The following KIF26A variants were observed in gnomAD, a reference collection of about 807,000 sequenced individuals.
KIF26A encodes the protein kinesin-like protein KIF26A.
A neutral mutation model predicts 126.0 loss-of-function variants in KIF26A; 74 were observed. The observed-to-expected ratio is 0.59, with a 90% CI of 0.49 to 0.71. The LOEUF (loss-of-function observed/expected upper bound fraction) is 0.71, where lower values mean the gene tolerates loss of function less well. Ranked by LOEUF, KIF26A falls within the 30% of genes least tolerant of loss-of-function variation. KIF26A has a pLI of 0.00. For synonymous variants in KIF26A, 1,445 were observed against 1,232.7 expected, an observed-to-expected ratio of 1.17 and a Z score of -3.61; for missense variants, 2,984 against 2,763.3, an observed-to-expected ratio of 1.08 and a Z score of -1.79.
At chr14:104,179,587 T>A in intron 14 of KIF26A, 22 bp from the exon 15 acceptor site, 1 of 1,489,196 alleles carries the variant, frequency 6.7e-7, no homozygotes, top group Non-Finnish European at 9.0e-7. Context: ...CAGGTGCCCC[T>A]CCCCTCTCCT....
rs895251568 is a variant in KIF26A at position 104,176,788 on chromosome 14, G to A, written c.4000G>A (p.Gly1334Arg). 1.9e-6 allele frequency: 3 copies of A among 1,571,738 alleles called. No individual in the cohort carries two copies. Among genetic ancestry groups the A allele is most frequent in the African/African-American group, 2.7e-5 (2 of 73,984 alleles). ...DAPTEVVACS[G>R]SLKASPTSKK... The stretch of plus-strand genomic sequence containing the variant: ...TCCCACGGAGGTGGTGGCCTGCTCG[G>A]GGAGCCTGAAGGCCTCCCCCACCAG... The change falls in exon 12 of 15, where the codon GGG becomes AGG. Residue 1334 changes from glycine to arginine, a missense_variant. Coordinates refer to ENST00000423312, the MANE Select transcript of KIF26A (RefSeq NM_015656.2).
In KIF26A at chr14:104,148,276, G is replaced by T. The variant is rs1447878430; in HGVS notation, c.289-3739G>T. On this transcript the variant is annotated intron_variant, in intron 2 of 14. Transcript: ENST00000423312. This position sits in a 1 kb window ranked among gnomAD's most constrained non-coding sequence, Gnocchi z 4.3. ...CTCCCTAAAACCCAGGCGCGCAATG[G>T]GTGGGCTATGTTTGATGCTAAATTG... Among the ~76,000 whole-genome samples, 1 of 152,192 alleles carries T rather than the reference G, an allele frequency of 6.6e-6. No homozygotes were observed. Among genetic ancestry groups the T allele is most frequent in the Non-Finnish European group, 1.5e-5 (1 of 68,036 alleles).
chr14:104,174,358 T>C, intron 11 of KIF26A, 48 bp downstream of exon 11: 2 of 1,467,350 alleles, frequency 1.4e-6, no homozygotes, highest in Non-Finnish European at 1.8e-6. Flanking sequence ...TCTCGGCTCC[T>C]GTGTCCACTG....
intron 4 of KIF26A, among the ~76,000 whole-genome samples, chr14:104,161,627 C>T (rs1046313810): frequency 6.6e-6 from 1 of 152,234 alleles, no homozygotes; most frequent in African/African-American, 2.4e-5. Context: ...CCCGCTGTCT[C>T]GTTCATCCTC....
chr14:104,146,201 G>C lies in KIF26A; in HGVS notation c.289-5814G>C, dbSNP rs186265137. ...AACAGGGTGGTTGTTTTTGGGGGTGGGTGGCCCCTAGGGCTGTGCAGGGAG... is the reference window on the plus strand; with the variant it reads ...AACAGGGTGGTTGTTTTTGGGGGTGCGTGGCCCCTAGGGCTGTGCAGGGAG... On this transcript the variant is annotated intron_variant, in intron 2 of 14. Coordinates refer to ENST00000423312, the MANE Select transcript of KIF26A (RefSeq NM_015656.2). 4.6e-5 allele frequency among the ~76,000 whole-genome samples: 7 copies of C among 152,312 alleles called. No individual in the cohort carries two copies. The East Asian group carries it at 7.7e-4, about 17-fold the overall frequency.
chr14:104,146,869 G>C (rs1207194877), intron 2 of KIF26A, among the ~76,000 whole-genome samples: 4 of 152,158 alleles, frequency 2.6e-5, no homozygotes, highest in African/African-American at 9.7e-5. Context: ...GGCGCTCTGG[G>C]GGCTGTGTTT....
At chr14:104,158,286 G>A (rs565640289) in intron 4 of KIF26A, among the ~76,000 whole-genome samples, 14 of 152,338 alleles carry the variant, frequency 9.2e-5, no homozygotes, top group South Asian at 4.1e-4. Context: ...GTTTCCTCCC[G>A]TCAGCTGGGC....
chr14:104,138,991 A>T (rs966221330), intron 1 of KIF26A, 52 bp from the exon 2 acceptor site: 28 of 1,322,768 alleles, frequency 2.1e-5, no homozygotes, highest in Non-Finnish European at 2.7e-5. Context: ...AGGGGTCTGG[A>T]TCCGACGGAC....
intron 4 of KIF26A, among the ~76,000 whole-genome samples, chr14:104,162,175 G>T (rs142532444): frequency 6.6e-6 from 1 of 152,216 alleles, no homozygotes; most frequent in South Asian, 2.1e-4. Flanking sequence ...AGGTAAGCCC[G>T]TAAAAGCAGG....
At chr14:104,138,828 G>A in intron 1 of KIF26A, 64 bp downstream of exon 1, 2 of 1,252,912 alleles carry the variant, frequency 1.6e-6, no homozygotes, top group East Asian at 6.3e-5. Flanking sequence ...GAAGATACTC[G>A]CGGTGTGCGC....
At chr14:104,153,383 G>A (rs2037747780) in intron 3 of KIF26A, among the ~76,000 whole-genome samples, 1 of 146,394 alleles carries the variant, frequency 6.8e-6, no homozygotes, top group Non-Finnish European at 1.6e-5. Flanking sequence ...TGTGGCCTTG[G>A]CACCTACACC....
intron 11 of KIF26A, among the ~76,000 whole-genome samples, chr14:104,174,536 G>A (rs980112398): frequency 6.6e-6 from 1 of 152,176 alleles, no homozygotes; most frequent in Non-Finnish European, 1.5e-5. Flanking sequence ...GGGGCTTGCT[G>A]TATGTGGCTT....
intron 2 of KIF26A, among the ~76,000 whole-genome samples, chr14:104,142,916 C>T (rs1022197230): frequency 2.0e-5 from 3 of 152,176 alleles, no homozygotes; most frequent in Non-Finnish European, 4.4e-5. Context: ...TCCGGCTATC[C>T]GCCCCTCAAA....
chr14:104,172,537 A>G, intron 6 of KIF26A, 38 bp from the exon 7 acceptor site: 1 of 1,518,474 alleles, frequency 6.6e-7, no homozygotes, highest in East Asian at 2.3e-5. Context: ...GGCAGAAGGA[A>G]GGGGCCACAG....
At chr14:104,161,035 C>T (rs1402655640) in intron 4 of KIF26A, among the ~76,000 whole-genome samples, 7 of 152,052 alleles carry the variant, frequency 4.6e-5, no homozygotes, top group African/African-American at 1.7e-4. Context: ...GTGCGCTGCC[C>T]GAGGCTTAGC....
intron 5 of KIF26A, among the ~76,000 whole-genome samples, chr14:104,169,178 C>T (rs374112646): frequency 3.1e-4 from 47 of 152,284 alleles, no homozygotes; most frequent in African/African-American, 1.1e-3. Flanking sequence ...AGAGCTGTGC[C>T]GAGAGCTCAG....
At position 104,152,246 on chromosome 14, in the gene KIF26A, C is replaced by T; in HGVS notation, c.520C>T (p.Pro174Ser). 6.3e-7 allele frequency: 1 copy of T among 1,596,812 alleles called. No individual in the cohort carries two copies. The highest frequency in any genetic ancestry group is 2.3e-5 in the East Asian group (1 of 43,864). ...PSTTTSSRDT[P>S]GPAGPAGRQP... Reference sequence around the variant, plus strand: ...CACCACGACCAGCTCGAGGGACACGCCAGGACCAGCGGGTCCTGCAGGGAG... The same window carrying T: ...CACCACGACCAGCTCGAGGGACACGTCAGGACCAGCGGGTCCTGCAGGGAG... Residue 174 changes from proline (P) to serine (S), a missense_variant, in exon 3 of 15, where the codon CCA (proline) becomes TCA (serine). Pro to Ser is a moderately conservative substitution (Grantham distance 74). Coordinates refer to ENST00000423312, the MANE Select transcript of KIF26A (RefSeq NM_015656.2). The surrounding 1 kb of genome is among the most constrained non-coding windows in gnomAD (Gnocchi z 5.9).
chr14:104,141,890 A>T (rs1437847826), intron 2 of KIF26A, among the ~76,000 whole-genome samples: 1 of 152,194 alleles, frequency 6.6e-6, no homozygotes, highest in Non-Finnish European at 1.5e-5. Context: ...GCTCTGCGAC[A>T]TGGGACCGTC....
intron 2 of KIF26A, among the ~76,000 whole-genome samples, chr14:104,150,929 C>G (rs1168413148): frequency 6.6e-6 from 1 of 152,052 alleles, no homozygotes; most frequent in Admixed American, 6.5e-5. Context: ...CTGAGACACC[C>G]CTTGGGGAGG....
Sources: allele counts gnomAD v4.1 joint callset (sites outside exome capture counted in the v4.1 genomes callset), GRCh38; gene constraint gnomAD v4.1.1; non-coding constraint Gnocchi (gnomAD v3.1); transcripts MANE v1.5; gene names NCBI Gene and HGNC (gene_info 2026-07-23, HGNC 2026-07-21).